The following SCUBE1 variants were observed in gnomAD, a reference collection of about 807,000 sequenced individuals.
The protein encoded by SCUBE1 is signal peptide, CUB domain and EGF like domain containing 1.
In SCUBE1, 59 loss-of-function variants were observed where a neutral mutation model predicts 124.4. The ratio of observed to expected loss-of-function variants is 0.47; its 90% confidence interval spans 0.38 to 0.59. SCUBE1 has a LOEUF of 0.59. Among genes scored for constraint, SCUBE1 ranks in the 20% least tolerant of loss-of-function variants. The pLI is 0.00. For synonymous variants in SCUBE1, 545 were observed against 550.9 expected (o/e 0.99, Z 0.15); for missense variants, 1,150 against 1,371.2 (o/e 0.84, Z 2.55).
intron 3 of SCUBE1, among the ~76,000 whole-genome samples, chr22:43,309,744 T>A (rs1380471934): frequency 6.6e-6 from 1 of 151,782 alleles, no homozygotes; most frequent in Non-Finnish European, 1.5e-5. Flanking sequence ...GCCTTCCCCA[T>A]CTCAGCCACA....
In SCUBE1 at chr22:43,223,146, AC is replaced by A; in HGVS notation, c.1277del (p.Gly426ValfsTer25). ...RAQLSCSKAG[G>X]VESCFLSCPA... ...GGCAGGAAAGGAAGCAGCTCTCCAC[AC>A]CGCCTGCCTTGCTGCAGGACAGCTG... On this transcript the variant is annotated frameshift_variant, in exon 11 of 22. Transcript: ENST00000360835. LOFTEE classifies it high-confidence loss of function. 1 of 1,557,494 alleles carries A rather than the reference AC, an allele frequency of 6.4e-7. No individual in the cohort carries two copies. Among genetic ancestry groups the A allele is most frequent in the Non-Finnish European group, 8.6e-7 (1 of 1,161,286 alleles).
At position 43,343,251 on chromosome 22, in the gene SCUBE1, GC is replaced by G; in HGVS notation, c.10del (p.Ala4ArgfsTer161). 8.5e-7 allele frequency: 1 copy of G among 1,180,970 alleles called. No homozygotes were observed. 73.2% of individuals were successfully genotyped at this position (1,180,970 alleles called of 1,614,324 possible). A position where few individuals can be genotyped will look rare whatever the true frequency, so the allele number is the denominator to read the frequency against. MGA[A>X]AVRWHLCVLL... The stretch of plus-strand genomic sequence containing the variant: ...CACGCACAAGTGCCAGCGCACGGCC[GC>G]CGCGCCCATGCTCAATGCGGGCCCC... On this transcript the variant is annotated frameshift_variant, in exon 1 of 22. Transcript: ENST00000360835. LOFTEE classifies it high-confidence loss of function.
rs895300900 is a variant in SCUBE1, at chr22:43,258,483, G to A, written c.611-148C>T. ...GGGTCATGAGGCTCGCCGGGCAACG[G>A]GGGAGCATTTCCCTGCACTTCAGCC... On this transcript the variant is annotated intron_variant, in intron 5 of 21. Transcript: ENST00000360835. This position sits in a 1 kb window ranked among gnomAD's most constrained non-coding sequence, Gnocchi z 5.0. The A allele has an allele frequency of 3.0e-5, 20 of 669,376 alleles. No homozygotes were observed. Among genetic ancestry groups the A allele is most frequent in the African/African-American group, 2.8e-4 (16 of 56,704 alleles). The allele number at this position is 669,376 out of a possible 1,614,324, so 41.5% of individuals were successfully genotyped here. A position where few individuals can be genotyped will look rare whatever the true frequency, so the allele number is the denominator to read the frequency against.
intron 8 of SCUBE1, among the ~76,000 whole-genome samples, chr22:43,230,456 G>T (rs891289325): frequency 6.6e-6 from 1 of 152,110 alleles, no homozygotes; most frequent in Non-Finnish European, 1.5e-5. Context: ...AGATACAGGT[G>T]GGGGTGGGGC....
Position 43,235,044 on chromosome 22 carries a change from T to A in SCUBE1, c.845-3169A>T, listed in dbSNP as rs765490143. Among the ~76,000 whole-genome samples the A allele has an allele frequency of 5.9e-5, 9 of 152,302 alleles. No individual in the cohort carries two copies. In the South Asian group the frequency reaches 1.7e-3, roughly 28 times the overall value. On this transcript the variant is annotated intron_variant, in intron 7 of 21. Transcript: ENST00000360835. ...CTCCCTCTTCATGGGAGCTAATGCCTTTGGGGGCATGAGAGGGCCTTGGGA... is the reference window on the plus strand; with the variant it reads ...CTCCCTCTTCATGGGAGCTAATGCCATTGGGGGCATGAGAGGGCCTTGGGA...
chr22:43,222,553 G>A, intron 12 of SCUBE1, 85 bp downstream of exon 12: 1 of 1,073,954 alleles, frequency 9.3e-7, no homozygotes, highest in Non-Finnish European at 1.4e-6. Context: ...TCCCTGGGCG[G>A]TGCCCTTTCC....
chr22:43,222,465 G>C (rs1224469410), intron 12 of SCUBE1, among the ~76,000 whole-genome samples, 173 bp downstream of exon 12: 1 of 152,208 alleles, frequency 6.6e-6, no homozygotes, highest in Non-Finnish European at 1.5e-5. Flanking sequence ...CCTGCAGCCT[G>C]CTGGCTTCTA....
chr22:43,247,510 C>A (rs1006918120), intron 6 of SCUBE1, among the ~76,000 whole-genome samples: 3 of 152,264 alleles, frequency 2.0e-5, no homozygotes, highest in African/African-American at 2.4e-5. Context: ...GCTGAGCAAC[C>A]TGAAACCACC....
intron 3 of SCUBE1, among the ~76,000 whole-genome samples, chr22:43,316,362 G>T (rs1926347711): frequency 6.6e-6 from 1 of 152,182 alleles, no homozygotes; most frequent in Admixed American, 6.5e-5. Context: ...CTTTTAACTG[G>T]CTGTCCCAAA....
intron 4 of SCUBE1, among the ~76,000 whole-genome samples, chr22:43,276,725 G>T (rs1385379965): frequency 1.3e-5 from 2 of 152,210 alleles, no homozygotes; most frequent in African/African-American, 4.8e-5. Flanking sequence ...CTACGGTGTA[G>T]GGGGTGGGCA....
chr22:43,235,332 C>T, intron 7 of SCUBE1, among the ~76,000 whole-genome samples: 1 of 151,934 alleles, frequency 6.6e-6, no homozygotes, highest in East Asian at 1.9e-4. Context: ...TGGCTCCCTC[C>T]TGCCCATCTC....
intron 4 of SCUBE1, among the ~76,000 whole-genome samples, chr22:43,285,186 T>A (rs1925089089): frequency 6.6e-6 from 1 of 152,116 alleles, no homozygotes; most frequent in African/African-American, 2.4e-5. Flanking sequence ...ACCCCTATTG[T>A]CTGGCCCCCT....
At chr22:43,236,816 C>G (rs1922782233) in intron 7 of SCUBE1, among the ~76,000 whole-genome samples, 3 of 152,220 alleles carry the variant, frequency 2.0e-5, no homozygotes, top group African/African-American at 4.8e-5. Context: ...AAATGAAAAC[C>G]TGTCTTCTGC....
At chr22:43,204,547 C>T (rs1921139684) in intron 21 of SCUBE1, among the ~76,000 whole-genome samples, 1 of 152,074 alleles carries the variant, frequency 6.6e-6, no homozygotes, top group Non-Finnish European at 1.5e-5. Context: ...GATCCACCCA[C>T]CTCGGCCTCC....
intron 2 of SCUBE1, among the ~76,000 whole-genome samples, chr22:43,335,588 C>T (rs1384277010): frequency 6.6e-6 from 1 of 152,204 alleles, no homozygotes; most frequent in Non-Finnish European, 1.5e-5. Context: ...GCTCATGCAG[C>T]CCCACCAGAC....
chr22:43,296,853 G>A (rs921879347), intron 3 of SCUBE1, among the ~76,000 whole-genome samples: 3 of 152,238 alleles, frequency 2.0e-5, no homozygotes, highest in African/African-American at 7.2e-5. Flanking sequence ...AGCAGGTGGG[G>A]CTGGGAGACC....
intron 6 of SCUBE1, among the ~76,000 whole-genome samples, chr22:43,254,962 C>T (rs1021374033): frequency 3.3e-5 from 5 of 152,204 alleles, no homozygotes; most frequent in African/African-American, 1.2e-4. Context: ...GGCTTTTTCC[C>T]TGAGAGGTCC....
intron 4 of SCUBE1, among the ~76,000 whole-genome samples, chr22:43,289,204 T>G (rs1025859284): frequency 6.6e-6 from 1 of 152,222 alleles, no homozygotes; most frequent in Non-Finnish European, 1.5e-5. Context: ...CCTCCCTGGA[T>G]GAAAGCAGAG....
chr22:43,339,664 C>G, intron 1 of SCUBE1, among the ~76,000 whole-genome samples: 1 of 134,840 alleles, frequency 7.4e-6, no homozygotes, highest in Admixed American at 7.3e-5. Context: ...CCAGCCCTCC[C>G]CCATTCTCCT....
Sources: gnomAD v4.1 joint callset for allele counts (sites outside exome capture counted in the v4.1 genomes callset) on GRCh38, gnomAD v4.1.1 for gene constraint, Gnocchi (gnomAD v3.1) non-coding constraint, MANE v1.5 for transcripts, NCBI Gene and HGNC (gene_info 2026-07-23, HGNC 2026-07-21) for gene names.